Variants in NSL1 observed in about 807,000 individuals in gnomAD.
NSL1 encodes NSL1 component of MIS12 kinetochore complex.
A neutral mutation model predicts 25.4 loss-of-function variants in NSL1; 11 were observed. The ratio of observed to expected loss-of-function variants is 0.43; its 90% CI spans 0.27 to 0.72. The LOEUF (loss-of-function observed/expected upper bound fraction) is 0.72. Ranked by LOEUF, NSL1 falls within the 30% of genes least tolerant of loss-of-function variation. The pLI is 0.19. For missense variants in NSL1, 330 were observed against 342.7 expected, an observed-to-expected ratio of 0.96 and a Z score of 0.29; for synonymous variants, 118 against 120.6, an observed-to-expected ratio of 0.98 and a Z score of 0.14.
At chr1:212,756,408 C>G (rs950924752) in intron 4 of NSL1, among the ~76,000 whole-genome samples, 3 of 152,132 alleles carry the variant, frequency 2.0e-5, no homozygotes, top group African/African-American at 7.2e-5. Flanking sequence ...CTGCATCCGG[C>G]CGACTTTGGT....
At chr1:212,777,594 C>T (rs1202541671) in intron 4 of NSL1, among the ~76,000 whole-genome samples, 1 of 152,100 alleles carries the variant, frequency 6.6e-6, no homozygotes, top group African/African-American at 2.4e-5. Flanking sequence ...AAATCCCATA[C>T]ATTGTTTATG....
In NSL1 at chr1:212,791,659, G is replaced by C. The variant is rs746232335; in HGVS notation, c.105C>G (p.Asp35Glu). 6.2e-7 allele frequency: 1 copy of C among 1,614,034 alleles called. No homozygotes were observed. Among genetic ancestry groups the C allele is most frequent in the Non-Finnish European group, 8.5e-7 (1 of 1,180,026 alleles). The change falls in exon 1 of 6, where the codon GAC (aspartate) becomes GAG (glutamate). Residue 35 changes from aspartate (D) to glutamate (E), a missense_variant. By Grantham distance (45) the Asp-to-Glu change is conservative (BLOSUM62 2). Coordinates refer to ENST00000366977, the MANE Select transcript of NSL1 (RefSeq NM_015471.4). ...QALVSATPRE[D>E]FRVRCTSKRA... is the part of the protein sequence containing the mutation. ...GCTTCGAGGTGCAGCGCACCCGAAA[G>C]TCTTCTCGGGGAGTGGCGGAGACCA...
At chr1:212,752,735 T>C (rs1229904471) in intron 4 of NSL1, among the ~76,000 whole-genome samples, 1 of 152,164 alleles carries the variant, frequency 6.6e-6, no homozygotes, top group Non-Finnish European at 1.5e-5. Context: ...TTGAGAACAC[T>C]GCCTTCCCTA....
chr1:212,780,550 T>A (rs1660689556), intron 4 of NSL1, among the ~76,000 whole-genome samples: 1 of 151,172 alleles, frequency 6.6e-6, no homozygotes, highest in Admixed American at 6.6e-5. Context: ...TCAAAGACAT[T>A]TTATATCACT....
At chr1:212,740,414 A>G (rs1658447732) in intron 4 of NSL1, among the ~76,000 whole-genome samples, 1 of 152,214 alleles carries the variant, frequency 6.6e-6, no homozygotes, top group Non-Finnish European at 1.5e-5. Context: ...CCACAAAAAC[A>G]GCTTACTGAA....
At chr1:212,779,284 T>TGG (rs1258384106) in intron 4 of NSL1, among the ~76,000 whole-genome samples, 8 of 108,838 alleles carry the variant, frequency 7.4e-5, no homozygotes, top group East Asian at 2.8e-4. Flanking sequence ...CGGAGGGAGG[T>TGG]GGGGGTCAGC....
intron 2 of NSL1, among the ~76,000 whole-genome samples, chr1:212,785,284 T>A (rs1660895445): frequency 6.6e-6 from 1 of 152,182 alleles, no homozygotes; most frequent in Non-Finnish European, 1.5e-5. Context: ...CTTTTTCATG[T>A]TTTAAAACAG....
At chr1:212,742,959 C>G (rs1044002208) in intron 4 of NSL1, among the ~76,000 whole-genome samples, 6 of 152,182 alleles carry the variant, frequency 3.9e-5, no homozygotes, top group African/African-American at 1.2e-4. Context: ...CCTAAGGACT[C>G]TCAAACTTTG....
chr1:212,779,163 C>T (rs1470932754), intron 4 of NSL1, among the ~76,000 whole-genome samples: 2 of 150,904 alleles, frequency 1.3e-5, no homozygotes, highest in South Asian at 2.1e-4. Flanking sequence ...CCCCTCCGCC[C>T]GGCAACCACA....
rs1404909248 is a variant in NSL1 at position 212,736,677 on chromosome 1, G to A, written c.*1731C>T. 3.0e-6 allele frequency: 3 copies of A among 984,286 alleles called. No individual in the cohort carries two copies. In the African/African-American group the frequency reaches 5.2e-5, roughly 17 times the overall value. 61.0% of individuals were successfully genotyped at this position (984,286 alleles called of 1,614,324 possible). A position where few individuals can be genotyped will look rare whatever the true frequency, so the allele number is the denominator to read the frequency against. ...TTTCAAATCTCAGCTGTCTGCCTGGGGACTTTAAAATATAACCATTTTTTA... is the reference window on the plus strand; with the variant it reads ...TTTCAAATCTCAGCTGTCTGCCTGGAGACTTTAAAATATAACCATTTTTTA... On this transcript the variant is annotated 3_prime_UTR_variant, in exon 6 of 6. Coordinates refer to ENST00000366977, the MANE Select transcript of NSL1 (RefSeq NM_015471.4).
Position 212,737,253 on chromosome 1 carries a change from CA to C in NSL1, c.*1154del. 1.0e-6 allele frequency: 1 copy of C among 985,330 alleles called. No individual in the cohort carries two copies. 61.0% of individuals were successfully genotyped at this position (985,330 alleles called of 1,614,324 possible). A position where few individuals can be genotyped will look rare whatever the true frequency, so the allele number is the denominator to read the frequency against. On this transcript the variant is annotated 3_prime_UTR_variant, in exon 6 of 6. Transcript: ENST00000366977. Reference sequence around the variant, plus strand: ...TGTAACACTGAAACACAAAATGCAACAAAGTGGCTTTATAAGTTTTCTTCAC... The same window carrying C: ...TGTAACACTGAAACACAAAATGCAACAAGTGGCTTTATAAGTTTTCTTCAC...
At chr1:212,770,473 A>C (rs1021046868) in intron 4 of NSL1, among the ~76,000 whole-genome samples, 24 of 151,748 alleles carry the variant, frequency 1.6e-4, no homozygotes, top group African/African-American at 4.9e-4. Flanking sequence ...AACCAGGAAA[A>C]AAACAAACAA....
At chr1:212,781,605 T>A (rs1207561633) in intron 4 of NSL1, among the ~76,000 whole-genome samples, 1 of 152,182 alleles carries the variant, frequency 6.6e-6, no homozygotes, top group African/African-American at 2.4e-5. Context: ...TATTAAAGAG[T>A]AGTTCAGAAT....
rs1658287753 is a variant in NSL1 at position 212,737,669 on chromosome 1, T to C, written c.*739A>G. ...TGAACTGGAATGATTTGTAAAGAAATAAATAAGAAACCCTAAAAAGAAACC... is the reference window on the plus strand; with the variant it reads ...TGAACTGGAATGATTTGTAAAGAAACAAATAAGAAACCCTAAAAAGAAACC... On this transcript the variant is annotated 3_prime_UTR_variant, in exon 6 of 6. Transcript: ENST00000366977. 1.0e-6 allele frequency: 1 copy of C among 959,080 alleles called. No individual in the cohort carries two copies. The highest frequency in any genetic ancestry group is 4.8e-5 in the South Asian group (1 of 20,768). The allele number at this position is 959,080 out of a possible 1,614,324, so 59.4% of individuals were successfully genotyped here.
Position 212,735,491 on chromosome 1 carries a change from C to A in NSL1, c.*2917G>T. The A allele has an allele frequency of 2.0e-6, 2 of 985,376 alleles. No homozygotes were observed. The highest frequency in any genetic ancestry group is 1.2e-6 in the Non-Finnish European group (1 of 829,914). The allele number at this position is 985,376 out of a possible 1,614,324, so 61.0% of individuals were successfully genotyped here. A position where few individuals can be genotyped will look rare whatever the true frequency, so the allele number is the denominator to read the frequency against. ...TTGGTTTTATTCACTTTGTCCTCTA[C>A]GGAGCCCAAGCCATAAAGGGCCAGG... On this transcript the variant is annotated 3_prime_UTR_variant, in exon 6 of 6. Coordinates refer to ENST00000366977, the MANE Select transcript of NSL1 (RefSeq NM_015471.4).
rs17019676 is a variant in NSL1, at chr1:212,754,460, C to G, written c.500-14859G>C. 4.4e-3 allele frequency among the ~76,000 whole-genome samples: 666 copies of G among 152,050 alleles called. 3 individuals carry two copies. The highest frequency in any genetic ancestry group is 0.015 in the African/African-American group (641 of 41,472). On this transcript the variant is annotated intron_variant, in intron 4 of 5. Transcript: ENST00000366977. ...GAGGGCTGAGACAGAGTTTACCCAC[C>G]CTGAAAAGGTGGCTGAAAAAAACTG...
intron 4 of NSL1, among the ~76,000 whole-genome samples, chr1:212,757,269 T>C (rs1284083864): frequency 2.0e-5 from 3 of 152,068 alleles, no homozygotes; most frequent in Non-Finnish European, 4.4e-5. Flanking sequence ...ACCATATCAT[T>C]GAGGGCCTCT....
intron 4 of NSL1, among the ~76,000 whole-genome samples, chr1:212,781,256 GT>G (rs879806608): frequency 6.6e-6 from 1 of 152,170 alleles, no homozygotes; most frequent in Admixed American, 6.5e-5. Context: ...TTAACTAAGT[GT>G]GTTTTCCCTA....
chr1:212,790,645 G>A (rs1273065250), intron 1 of NSL1, among the ~76,000 whole-genome samples: 1 of 152,098 alleles, frequency 6.6e-6, no homozygotes, highest in African/African-American at 2.4e-5. Context: ...TTAATAGGCC[G>A]GGCGAGGTGG....
Sources: allele counts gnomAD v4.1 joint callset (sites outside exome capture counted in the v4.1 genomes callset), GRCh38; gene constraint gnomAD v4.1.1; transcripts MANE v1.5; gene names NCBI Gene and HGNC (gene_info 2026-07-23, HGNC 2026-07-21).